XKR5: variants seen among roughly 807,000 people sequenced by gnomAD.
The protein encoded by XKR5 is XK-related protein 5.
In XKR5, 46 loss-of-function variants were observed where a neutral mutation model predicts 40.8. That is an observed-to-expected ratio of 1.13 (90% CI 0.89 to 1.44). XKR5 has a LOEUF of 1.44. Ranked by LOEUF, XKR5 falls within the 40% of genes most tolerant of loss-of-function variation. The probability of loss-of-function intolerance (pLI) is 0.00; values close to 1 mark genes in which losing one functional copy is unlikely to be tolerated. For missense variants in XKR5, 1,169 were observed against 844.7 expected (o/e 1.38, Z -4.76); for synonymous variants, 466 against 356.1 (o/e 1.31, Z -3.48).
In XKR5 at chr8:6,823,635, G is replaced by T; in HGVS notation, c.523C>A (p.Pro175Thr). 2 of 1,593,174 alleles carry T rather than the reference G, an allele frequency of 1.3e-6. No homozygotes were observed. Among genetic ancestry groups the T allele is most frequent in the East Asian group, 2.3e-5 (1 of 43,824 alleles). Residue 175 changes from proline to threonine, a missense_variant, in exon 4 of 7, where the codon CCA becomes ACA. By Grantham distance (38) the Pro-to-Thr change is conservative. Transcript: ENST00000618742. ...TGCTGGCAGAAGAGGGCGGCCCATG[G>T]CATGGCCAGGTGGCCTGGCTTCATG... The part of the protein sequence containing the change: ...GFMKPGHLAM[P>T]WAALFCQQLW...
In XKR5 at chr8:6,823,571, C is replaced by G; in HGVS notation, c.587G>C (p.Ser196Thr). 1.3e-6 allele frequency: 2 copies of G among 1,597,154 alleles called. No homozygotes were observed. The highest frequency in any genetic ancestry group is 1.7e-6 in the Non-Finnish European group (2 of 1,171,896). ...RMGMLGTRVLSLVLFYKAYHF... is the reference protein window; with the variant it reads ...RMGMLGTRVLTLVLFYKAYHF... ...GTAGGCTTTGTAGAACAGAACCAGA[C>G]TCAGCACGCGGGTTCCCAACATGCC... is the stretch of plus-strand genomic sequence containing the variant. The change falls in exon 4 of 7, where the codon AGT (serine) becomes ACT (threonine). Residue 196 changes from serine to threonine, a missense_variant. Ser to Thr is a moderately conservative substitution (Grantham distance 58, BLOSUM62 1). Coordinates refer to ENST00000618742, the MANE Select transcript of XKR5 (RefSeq NM_207411.5).
chr8:6,811,053 C>A lies in XKR5; in HGVS notation c.*145G>T. The A allele has an allele frequency of 1.2e-6, 1 of 826,594 alleles. No homozygotes were observed. 51.2% of individuals were successfully genotyped at this position (826,594 alleles called of 1,614,324 possible). ...GCAAAATCATCCAGCCCTGTTTCTTCATTTTTCAGGGATGCAGATGGAGAT... is the reference window on the plus strand; with the variant it reads ...GCAAAATCATCCAGCCCTGTTTCTTAATTTTTCAGGGATGCAGATGGAGAT... On this transcript the variant is annotated 3_prime_UTR_variant, in exon 7 of 7. Coordinates refer to ENST00000618742, the MANE Select transcript of XKR5 (RefSeq NM_207411.5).
At chr8:6,816,778 TA>T (rs1803978202) in intron 5 of XKR5, among the ~76,000 whole-genome samples, 1 of 149,086 alleles carries the variant, frequency 6.7e-6, no homozygotes, top group Non-Finnish European at 1.5e-5. Flanking sequence ...CTGTGTATTT[TA>T]TTTATTTAAA....
Position 6,811,194 on chromosome 8 carries a change from G to A in XKR5, c.*4C>T. The A allele has an allele frequency of 6.5e-7, 1 of 1,533,006 alleles. No individual in the cohort carries two copies. The highest frequency in any genetic ancestry group is 2.4e-5 in the East Asian group (1 of 40,846). The allele number at this position is 1,533,006 out of a possible 1,614,324, so 95.0% of individuals were successfully genotyped here. A position where few individuals can be genotyped will look rare whatever the true frequency, so the allele number is the denominator to read the frequency against. ...CCTGTTGTCTTATCCCACCATGACTGTGGTCAGATGAAAAAACTCGGCTCT... is the reference window on the plus strand; with the variant it reads ...CCTGTTGTCTTATCCCACCATGACTATGGTCAGATGAAAAAACTCGGCTCT... On this transcript the variant is annotated 3_prime_UTR_variant, in exon 7 of 7. Coordinates refer to ENST00000618742, the MANE Select transcript of XKR5 (RefSeq NM_207411.5).
At chr8:6,821,766 G>T in intron 5 of XKR5, 103 bp downstream of exon 5, 1 of 950,602 alleles carries the variant, frequency 1.1e-6, no homozygotes, top group African/African-American at 1.7e-5. Context: ...CAATAGATAG[G>T]TGTGCATTGG....
chr8:6,833,840 G>C (rs958955990), intron 1 of XKR5, among the ~76,000 whole-genome samples: 1 of 152,254 alleles, frequency 6.6e-6, no homozygotes, highest in African/African-American at 2.4e-5. Context: ...AAATGACATT[G>C]TCAGGGCTTT....
intron 2 of XKR5, among the ~76,000 whole-genome samples, chr8:6,828,085 G>C (rs531009571): frequency 2.3e-3 from 355 of 152,138 alleles, no homozygotes; most frequent in Non-Finnish European, 3.1e-3. Context: ...AAAAGAAAAG[G>C]GGGGAAGTGA....
chr8:6,811,095 T>C lies in XKR5; in HGVS notation c.*103A>G. On this transcript the variant is annotated 3_prime_UTR_variant, in exon 7 of 7. Transcript: ENST00000618742. ...GATGGAGATTCAGAGGTGACAGTGA[T>C]GTGCCCAAGGACACAGGTGTCAGAA... is the stretch of plus-strand genomic sequence containing the variant. The C allele has an allele frequency of 2.6e-6, 3 of 1,144,452 alleles. No homozygotes were observed. Among genetic ancestry groups the C allele is most frequent in the South Asian group, 3.3e-5 (2 of 61,234 alleles). The allele number at this position is 1,144,452 out of a possible 1,614,324, so 70.9% of individuals were successfully genotyped here.
chr8:6,823,808 A>G lies in XKR5; in HGVS notation c.428-78T>C. 3 of 1,239,944 alleles carry G rather than the reference A, an allele frequency of 2.4e-6. No individual in the cohort carries two copies. The South Asian group carries it at 4.0e-5, about 16-fold the overall frequency. 76.8% of individuals were successfully genotyped at this position (1,239,944 alleles called of 1,614,324 possible). On this transcript the variant is annotated intron_variant, in intron 3 of 6. Transcript: ENST00000618742. ...TACCTTGTGAAGATTCACTCATGGCATTTCTTTAATGGGATGTGTAACCTC... is the reference window on the plus strand; with the variant it reads ...TACCTTGTGAAGATTCACTCATGGCGTTTCTTTAATGGGATGTGTAACCTC...
In XKR5 at chr8:6,811,479, T is replaced by G. The variant is rs888885838; in HGVS notation, c.1780A>C (p.Thr594Pro). ...AGGATGGGGCTAATGTCGGCCATGGTGTCGGGGAAGGGCGCCAAGCCCACT... is the reference window on the plus strand; with the variant it reads ...AGGATGGGGCTAATGTCGGCCATGGGGTCGGGGAAGGGCGCCAAGCCCACT... Reference protein sequence around the residue: ...HPVGLAPFPDTMADISPILGT... With the variant: ...HPVGLAPFPDPMADISPILGT... Residue 594 changes from threonine to proline, a missense_variant, in exon 7 of 7, where the codon ACC (threonine) becomes CCC (proline). Physicochemically the swap from Thr to Pro is conservative, Grantham distance 38 (BLOSUM62 -1). Transcript: ENST00000618742. 1 of 1,529,058 alleles carries G rather than the reference T, an allele frequency of 6.5e-7. No homozygotes were observed. Among genetic ancestry groups the G allele is most frequent in the Admixed American group, 2.0e-5 (1 of 50,532 alleles). 94.7% of individuals were successfully genotyped at this position (1,529,058 alleles called of 1,614,324 possible).
rs1431192374 is a variant in XKR5, at chr8:6,832,785, T to A, written c.174A>T (p.Arg58=). 6.2e-7 allele frequency: 1 copy of A among 1,612,996 alleles called. No homozygotes were observed. The highest frequency in any genetic ancestry group is 1.7e-5 in the Admixed American group (1 of 59,872). Residue 58 remains arginine (R), a synonymous_variant, in exon 2 of 7, where the codon CGA becomes CGT. Coordinates refer to ENST00000618742, the MANE Select transcript of XKR5 (RefSeq NM_207411.5). ...LVQALSYLWF[R]ADGHPGHCSL... ...AGCAATGCCCTGGATGCCCGTCTGCTCGGAACCACAGGTAGCTCAGGGCCT... is the reference window on the plus strand; with the variant it reads ...AGCAATGCCCTGGATGCCCGTCTGCACGGAACCACAGGTAGCTCAGGGCCT...
At chr8:6,832,631 G>T in intron 2 of XKR5, 86 bp downstream of exon 2, 1 of 1,543,398 alleles carries the variant, frequency 6.5e-7, no homozygotes, top group South Asian at 1.2e-5. Flanking sequence ...TTATGAGCTT[G>T]AGGACAGAAT....
chr8:6,824,484 T>C (rs997367498), intron 3 of XKR5, among the ~76,000 whole-genome samples: 2 of 152,156 alleles, frequency 1.3e-5, no homozygotes, highest in Non-Finnish European at 2.9e-5. Flanking sequence ...GTTCTCAGTT[T>C]CCACATGGCT....
intron 5 of XKR5, among the ~76,000 whole-genome samples, chr8:6,820,342 T>C (rs1804174973): frequency 6.6e-6 from 1 of 152,248 alleles, no homozygotes. Flanking sequence ...CTTGACTCAG[T>C]GATCTAGTGA....
chr8:6,821,247 C>T (rs1387357916), intron 5 of XKR5, among the ~76,000 whole-genome samples: 4 of 152,226 alleles, frequency 2.6e-5, no homozygotes, highest in Admixed American at 1.3e-4. Flanking sequence ...GCTCAACCTC[C>T]ACTGTCCTGC....
intron 2 of XKR5, among the ~76,000 whole-genome samples, chr8:6,828,004 G>A (rs760319437): frequency 4.6e-5 from 7 of 152,142 alleles, no homozygotes; most frequent in Admixed American, 6.5e-5. Context: ...GAAGTTCAAG[G>A]CTGCAAGTGA....
chr8:6,816,714 T>G, intron 5 of XKR5, among the ~76,000 whole-genome samples: 1 of 147,562 alleles, frequency 6.8e-6, no homozygotes, highest in Admixed American at 6.8e-5. Context: ...TTTATTTAAT[T>G]AAAATATAAT....
In XKR5 at chr8:6,827,236, G is replaced by A. The variant is rs117215239; in HGVS notation, c.243-1887C>T. ...CAGCAATAAGGAGATGACCACAGCC[G>A]CCTGCACACGAGCCTGCTGCCCAGC... On this transcript the variant is annotated intron_variant, in intron 2 of 6. Transcript: ENST00000618742. Among the ~76,000 whole-genome samples the A allele has an allele frequency of 9.4e-3, 1,432 of 152,212 alleles. 21 individuals are homozygous for A. Among genetic ancestry groups the A allele is most frequent in the South Asian group, 0.056 (270 of 4,820 alleles).
chr8:6,827,571 C>A (rs966671304), intron 2 of XKR5, among the ~76,000 whole-genome samples: 5 of 152,156 alleles, frequency 3.3e-5, no homozygotes, highest in African/African-American at 1.2e-4. Flanking sequence ...GGAGTGAACC[C>A]ATTTCTTACT....
Sources: gnomAD v4.1 joint callset for allele counts (sites outside exome capture counted in the v4.1 genomes callset) on GRCh38, gnomAD v4.1.1 for gene constraint, MANE v1.5 for transcripts, NCBI Gene and HGNC (gene_info 2026-07-23, HGNC 2026-07-21) for gene names.